ADARB2: variants seen among roughly 807,000 people sequenced by gnomAD.
ADARB2 encodes the protein inactive double-stranded RNA-specific editase B2.
In ADARB2, 25 loss-of-function variants were observed where a neutral mutation model predicts 62.2. The ratio of observed to expected loss-of-function variants is 0.40; its 90% CI spans 0.29 to 0.56. The LOEUF (loss-of-function observed/expected upper bound fraction) is 0.56, where lower values mean the gene tolerates loss of function less well. ADARB2 is among the 20% of genes least tolerant of loss of function. The pLI is 0.43. For missense variants in ADARB2, 1,071 were observed against 1,077.4 expected, an observed-to-expected ratio of 0.99 and a Z score of 0.08; for synonymous variants, 572 against 500.8, an observed-to-expected ratio of 1.14 and a Z score of -1.90.
chr10:1,697,852 T>C (rs561564037), intron 1 of ADARB2, among the ~76,000 whole-genome samples: 1 of 152,342 alleles, frequency 6.6e-6, no homozygotes, highest in South Asian at 2.1e-4. Context: ...TCTTTCGACT[T>C]GCTTACTCCG....
chr10:1,543,701 C>T (rs1409027046), intron 1 of ADARB2, among the ~76,000 whole-genome samples: 1 of 152,174 alleles, frequency 6.6e-6, no homozygotes, highest in African/African-American at 2.4e-5. Flanking sequence ...AAAATAGACC[C>T]GAACCATGAT....
chr10:1,517,144 A>C (rs965812295), intron 1 of ADARB2, among the ~76,000 whole-genome samples: 1 of 152,156 alleles, frequency 6.6e-6, no homozygotes, highest in African/African-American at 2.4e-5. Flanking sequence ...TGTGAGAGAT[A>C]ATGTCACCCA....
chr10:1,297,665 A>T (rs1016433963), intron 3 of ADARB2, among the ~76,000 whole-genome samples: 5 of 152,204 alleles, frequency 3.3e-5, no homozygotes, highest in African/African-American at 1.2e-4. Context: ...GCCATGACAG[A>T]TGCCCCTGCA....
At chr10:1,711,875 T>C (rs1409096030) in intron 1 of ADARB2, among the ~76,000 whole-genome samples, 2 of 152,182 alleles carry the variant, frequency 1.3e-5, no homozygotes, top group Non-Finnish European at 2.9e-5. Context: ...AGAATTCTCA[T>C]AGCTGCCTAG....
At chr10:1,431,536 C>T (rs542620614) in intron 1 of ADARB2, among the ~76,000 whole-genome samples, 1 of 151,908 alleles carries the variant, frequency 6.6e-6, no homozygotes, top group African/African-American at 2.4e-5. Flanking sequence ...ATCAATGGTG[C>T]AAGTTTCTAT....
intron 3 of ADARB2, among the ~76,000 whole-genome samples, chr10:1,329,750 G>A (rs879431053): frequency 1.8e-4 from 28 of 152,076 alleles, no homozygotes; most frequent in Non-Finnish European, 1.8e-4. Context: ...TTCTGGAGCC[G>A]CGAACCACCT....
intron 4 of ADARB2, among the ~76,000 whole-genome samples, chr10:1,256,489 T>C (rs1030718064): frequency 6.6e-6 from 1 of 152,008 alleles, no homozygotes; most frequent in African/African-American, 2.4e-5. Context: ...ACTGAGACAA[T>C]AAAAAGGTGC....
At position 1,426,494 on chromosome 10, in the gene ADARB2, G is replaced by A. The variant is rs954576257; in HGVS notation, c.101-47334C>T. On this transcript the variant is annotated intron_variant, in intron 1 of 9. Coordinates refer to ENST00000381312, the MANE Select transcript of ADARB2 (RefSeq NM_018702.4). The surrounding 1 kb of genome is among the most constrained non-coding windows in gnomAD (Gnocchi z 4.1). ...GCACACACATCATTCTTCAGGTGCA[G>A]TTATGACAGAAGGATGGTCCTGTCT... Among the ~76,000 whole-genome samples the A allele has an allele frequency of 2.0e-5, 3 of 152,172 alleles. No homozygotes were observed. The highest frequency in any genetic ancestry group is 7.2e-5 in the African/African-American group (3 of 41,436).
chr10:1,536,271 G>T (rs1001126385), intron 1 of ADARB2, among the ~76,000 whole-genome samples: 4 of 152,200 alleles, frequency 2.6e-5, no homozygotes, highest in Non-Finnish European at 5.9e-5. Context: ...GCCACACGAG[G>T]ACACAGAAAG....
intron 1 of ADARB2, chr10:1,675,186 T>C (rs1167046882): frequency 1.0e-6 from 1 of 982,484 alleles, no homozygotes; most frequent in Non-Finnish European, 1.2e-6. Flanking sequence ...GGTTCAGGGA[T>C]GCATGGAAGT....
In ADARB2 at chr10:1,182,022, C is replaced by T. The variant is rs1268532419; in HGVS notation, c.*1171G>A. On this transcript the variant is annotated 3_prime_UTR_variant, in exon 10 of 10. Transcript: ENST00000381312. ...GGTGTTGGAAGCCTGCTCTGAGGGTCACAGAATCCTGCCTCTTACATTTTT... is the reference window on the plus strand; with the variant it reads ...GGTGTTGGAAGCCTGCTCTGAGGGTTACAGAATCCTGCCTCTTACATTTTT... 2.0e-5 allele frequency: 3 copies of T among 152,166 alleles called. No individual in the cohort carries two copies. Among genetic ancestry groups the T allele is most frequent in the Admixed American group, 2.0e-4 (3 of 15,278 alleles). 9.4% of individuals were successfully genotyped at this position (152,166 alleles called of 1,614,324 possible). A position where few individuals can be genotyped will look rare whatever the true frequency, so the allele number is the denominator to read the frequency against.
intron 1 of ADARB2, among the ~76,000 whole-genome samples, chr10:1,615,510 G>C (rs58062409): frequency 0.047 from 7,094 of 152,244 alleles, 564 homozygotes; most frequent in African/African-American, 0.16. Flanking sequence ...TGTCCACCCG[G>C]GAGAGTGTGT....
chr10:1,554,395 C>A (rs561846440), intron 1 of ADARB2, among the ~76,000 whole-genome samples: 122 of 152,296 alleles, frequency 8.0e-4, no homozygotes, highest in African/African-American at 2.7e-3. Flanking sequence ...TGTCACAGAA[C>A]CATCAATGAA....
At chr10:1,334,520 G>T (rs7908440) in intron 3 of ADARB2, among the ~76,000 whole-genome samples, 3,417 of 152,206 alleles carry the variant, frequency 0.022, 115 homozygotes, top group African/African-American at 0.076. Flanking sequence ...GTTTATATGT[G>T]TACATATATA....
intron 1 of ADARB2, among the ~76,000 whole-genome samples, chr10:1,651,796 G>A (rs527754200): frequency 2.0e-4 from 31 of 151,976 alleles, no homozygotes; most frequent in Admixed American, 7.2e-4. Context: ...CTCTCTGCCC[G>A]TGAAGGTGAC....
chr10:1,610,237 C>T (rs888018475), intron 1 of ADARB2, among the ~76,000 whole-genome samples: 1 of 152,194 alleles, frequency 6.6e-6, no homozygotes, highest in Non-Finnish European at 1.5e-5. Flanking sequence ...CCTACACGGG[C>T]AGTTCTGCTG....
intron 1 of ADARB2, among the ~76,000 whole-genome samples, chr10:1,725,830 C>A (rs543042579): frequency 6.6e-6 from 1 of 152,180 alleles, no homozygotes; most frequent in South Asian, 2.1e-4. Context: ...CAGCTCATCC[C>A]GAACCGAAGG....
At chr10:1,221,104 C>T (rs892187512) in intron 6 of ADARB2, among the ~76,000 whole-genome samples, 1 of 152,182 alleles carries the variant, frequency 6.6e-6, no homozygotes, top group African/African-American at 2.4e-5. Context: ...GTTGAAGATG[C>T]CACTTAAGGC....
At chr10:1,306,773 C>G (rs1324648404) in intron 3 of ADARB2, among the ~76,000 whole-genome samples, 1 of 149,204 alleles carries the variant, frequency 6.7e-6, no homozygotes, top group East Asian at 2.0e-4. Flanking sequence ...TCAGAAATAA[C>G]GCCGCATATC....
Sources: gnomAD v4.1 joint callset for allele counts (sites outside exome capture counted in the v4.1 genomes callset) on GRCh38, gnomAD v4.1.1 for gene constraint, Gnocchi (gnomAD v3.1) non-coding constraint, MANE v1.5 for transcripts, NCBI Gene and HGNC (gene_info 2026-07-23, HGNC 2026-07-21) for gene names.